Variants in ADRA1B observed in about 807,000 individuals in gnomAD.
ADRA1B encodes adrenoceptor alpha 1B.
Under a neutral mutation model 17.9 loss-of-function variants are expected in ADRA1B, and 17 were observed. That is an observed-to-expected ratio of 0.95 (90% confidence interval 0.65 to 1.42). The LOEUF (loss-of-function observed/expected upper bound fraction) is 1.42, where lower values mean the gene tolerates loss of function less well. Among genes scored for constraint, ADRA1B ranks in the 40% most tolerant of loss-of-function variants. The pLI is 0.00. For synonymous variants in ADRA1B, 366 were observed against 327.6 expected, an observed-to-expected ratio of 1.12 and a Z score of -1.27; for missense variants, 681 against 722.1, an observed-to-expected ratio of 0.94 and a Z score of 0.65.
In ADRA1B at chr5:159,886,769, C is replaced by T. The variant is rs1262690111; in HGVS notation, c.-256+21563C>T. 3.3e-5 allele frequency among the ~76,000 whole-genome samples: 5 copies of T among 152,018 alleles called. 1 individual carries two copies. In the East Asian group the frequency reaches 9.6e-4, roughly 29 times the overall value. On this transcript the variant is annotated intron_variant, in intron 1 of 2. Coordinates refer to the ADRA1B transcript ENST00000641205. ...TTATGAGCATGGTCTTATAATTAAG[C>T]AGATACGGATCTGACTCTCAGTTCA... is the stretch of plus-strand genomic sequence containing the variant.
chr5:159,865,914 A>G (rs1753646625), intron 1 of ADRA1B, among the ~76,000 whole-genome samples: 2 of 152,240 alleles, frequency 1.3e-5, no homozygotes, highest in South Asian at 2.1e-4. Flanking sequence ...GCAGCTAGCT[A>G]CAATGAGGTT....
intron 1 of ADRA1B, among the ~76,000 whole-genome samples, chr5:159,948,794 T>C (rs931212906): frequency 1.3e-5 from 2 of 152,232 alleles, no homozygotes; most frequent in African/African-American, 4.8e-5. Context: ...TTTTTAGTTA[T>C]GATAAATAAT....
At chr5:159,901,745 A>G (rs1341962166) in intron 1 of ADRA1B, among the ~76,000 whole-genome samples, 1 of 152,202 alleles carries the variant, frequency 6.6e-6, no homozygotes, top group Non-Finnish European at 1.5e-5. Context: ...GCCAACAAGC[A>G]TAAGAAAAGA....
chr5:159,940,006 G>C (rs1350546796), intron 1 of ADRA1B, among the ~76,000 whole-genome samples: 1 of 152,170 alleles, frequency 6.6e-6, no homozygotes, highest in Non-Finnish European at 1.5e-5. Flanking sequence ...TCTCCCGGGA[G>C]ACTGGGTCTC....
chr5:159,872,431 A>T (rs1315526390), intron 1 of ADRA1B, among the ~76,000 whole-genome samples: 1 of 152,224 alleles, frequency 6.6e-6, no homozygotes, highest in Non-Finnish European at 1.5e-5. Context: ...GTGATACAGA[A>T]CAGAGGTGGG....
intron 1 of ADRA1B, among the ~76,000 whole-genome samples, chr5:159,880,425 T>G (rs17057231): frequency 0.034 from 5,243 of 152,232 alleles, 307 homozygotes; most frequent in African/African-American, 0.12. Context: ...AACAGGCCTA[T>G]AGAAGTTAAA....
At chr5:159,904,391 G>A (rs1409341008) in intron 1 of ADRA1B, among the ~76,000 whole-genome samples, 1 of 152,202 alleles carries the variant, frequency 6.6e-6, no homozygotes, top group Admixed American at 6.5e-5. Flanking sequence ...GATAAGCTAG[G>A]TTCTAGGAGA....
intron 1 of ADRA1B, among the ~76,000 whole-genome samples, chr5:159,881,321 C>G (rs906141611): frequency 1.1e-4 from 16 of 151,752 alleles, no homozygotes; most frequent in Admixed American, 4.6e-4. Context: ...CTCTCTCTCT[C>G]TCTCTCTCTC....
chr5:159,983,581 G>A, the ADRA1B span, among the ~76,000 whole-genome samples: 1 of 152,168 alleles, frequency 6.6e-6, no homozygotes, highest in Non-Finnish European at 1.5e-5. Flanking sequence ...TCTTAGCCGT[G>A]GGAATGTGGC....
chr5:159,881,236 C>A (rs905249111), intron 1 of ADRA1B, among the ~76,000 whole-genome samples: 2 of 146,140 alleles, frequency 1.4e-5, no homozygotes, highest in African/African-American at 5.1e-5. Context: ...ATTCAGGTGA[C>A]TCTAAAGACA....
At chr5:159,950,401 G>A in intron 1 of ADRA1B, 1 of 689,000 alleles carries the variant, frequency 1.5e-6, no homozygotes, top group South Asian at 1.6e-5. Flanking sequence ...GAGTCTCAGT[G>A]TCATGGGGGA....
intron 1 of ADRA1B, among the ~76,000 whole-genome samples, chr5:159,935,769 A>G (rs1037449427): frequency 6.6e-6 from 1 of 151,900 alleles, no homozygotes; most frequent in Non-Finnish European, 1.5e-5. Context: ...CTGGTCTCCA[A>G]CTCCTGATCT....
At chr5:159,977,973 C>T (rs538069794), downstream of ADRA1B, among the ~76,000 whole-genome samples, 7 of 152,118 alleles carry the variant, frequency 4.6e-5, no homozygotes, top group Admixed American at 1.3e-4. Flanking sequence ...GGTGATCATC[C>T]GATTTCTCTG....
intron 1 of ADRA1B, chr5:159,948,199 A>T (rs892397241): frequency 1.0e-6 from 1 of 985,340 alleles, no homozygotes; most frequent in African/African-American, 1.7e-5. Flanking sequence ...AGTCCAGACA[A>T]CAGGGCTTCT....
chr5:159,891,904 A>C (rs1753987228), intron 1 of ADRA1B, among the ~76,000 whole-genome samples: 2 of 152,182 alleles, frequency 1.3e-5, no homozygotes, highest in African/African-American at 4.8e-5. Flanking sequence ...TTGAGTTATC[A>C]ATGCTGAAAT....
Position 159,917,565 on chromosome 5 carries a change from A to G in ADRA1B, c.660A>G (p.Leu220=), listed in dbSNP as rs1437325588. The change falls in exon 1 of 2, where the codon CTA becomes CTG. Residue 220 remains leucine, a synonymous_variant. Coordinates refer to ENST00000306675, the MANE Select transcript of ADRA1B (RefSeq NM_000679.4). Reference sequence around the variant, plus strand: ...TCTACATCCCTCTGGCGGTCATTCTAGTCATGTACTGCCGTGTCTATATAG... The same window carrying G: ...TCTACATCCCTCTGGCGGTCATTCTGGTCATGTACTGCCGTGTCTATATAG... ...GSFYIPLAVI[L]VMYCRVYIVA... 6.2e-7 allele frequency: 1 copy of G among 1,613,966 alleles called. No individual in the cohort carries two copies. Among genetic ancestry groups the G allele is most frequent in the Non-Finnish European group, 8.5e-7 (1 of 1,179,964 alleles).
intron 1 of ADRA1B, chr5:159,948,043 C>T (rs1394496887): frequency 8.1e-6 from 8 of 985,276 alleles, no homozygotes; most frequent in Admixed American, 6.2e-5. Context: ...ACTGGCCCAT[C>T]GGTTTCACAG....
chr5:159,985,428 C>T, the ADRA1B span, among the ~76,000 whole-genome samples: 2 of 152,310 alleles, frequency 1.3e-5, no homozygotes, highest in African/African-American at 4.8e-5. Flanking sequence ...ACACAGCAGG[C>T]ACTCCTTAAA....
At chr5:159,903,639 G>A (rs1462946096) in intron 1 of ADRA1B, among the ~76,000 whole-genome samples, 1 of 152,166 alleles carries the variant, frequency 6.6e-6, no homozygotes, top group Non-Finnish European at 1.5e-5. Flanking sequence ...ACTCCCGTGG[G>A]AGTGTGTGGG....
Sources: allele counts gnomAD v4.1 joint callset (sites outside exome capture counted in the v4.1 genomes callset), GRCh38; gene constraint gnomAD v4.1.1; transcripts MANE v1.5; gene names NCBI Gene and HGNC (gene_info 2026-07-23, HGNC 2026-07-21).